Variants in NCKAP1 observed in about 807,000 individuals in gnomAD.
The protein encoded by NCKAP1 is NCK associated protein 1.
In NCKAP1, 21 loss-of-function variants were observed where a neutral mutation model predicts 151.2. The ratio of observed to expected loss-of-function variants is 0.14; its 90% CI spans 0.10 to 0.20. NCKAP1 has a LOEUF of 0.20. Ranked by LOEUF, NCKAP1 falls within the 10% of genes least tolerant of loss-of-function variation. NCKAP1 has a pLI of 1.00. For synonymous variants in NCKAP1, 484 were observed against 451.8 expected (o/e 1.07, Z -0.90); for missense variants, 933 against 1,352.1 (o/e 0.69, Z 4.86).
chr2:182,944,568 C>A (rs550206523), intron 23 of NCKAP1, among the ~76,000 whole-genome samples: 2 of 152,206 alleles, frequency 1.3e-5, no homozygotes, highest in African/African-American at 4.8e-5. Flanking sequence ...ACATGTTTCA[C>A]CATAAGTACA....
chr2:183,007,164 T>C (rs1698493381), intron 2 of NCKAP1, among the ~76,000 whole-genome samples: 1 of 152,218 alleles, frequency 6.6e-6, no homozygotes, highest in South Asian at 2.1e-4. Flanking sequence ...TGAGCCACTG[T>C]ACCCGGCCTC....
chr2:182,915,931 C>T lies in NCKAP1; in HGVS notation c.*9771G>A, dbSNP rs1696459846. Reference sequence around the variant, plus strand: ...GTGGAATGCCTTTTTGATCTATTGCCAATGCTTTCACCTTTTGTCTATTTA... The same window carrying T: ...GTGGAATGCCTTTTTGATCTATTGCTAATGCTTTCACCTTTTGTCTATTTA... On this transcript the variant is annotated 3_prime_UTR_variant, in exon 31 of 31. Transcript: ENST00000361354. The T allele has an allele frequency of 6.6e-6, 1 of 152,012 alleles. No individual in the cohort carries two copies. The highest frequency in any genetic ancestry group is 1.5e-5 in the Non-Finnish European group (1 of 67,992). The allele number at this position is 152,012 out of a possible 1,614,324, so 9.4% of individuals were successfully genotyped here.
At chr2:183,008,179 C>T (rs561560248) in intron 2 of NCKAP1, among the ~76,000 whole-genome samples, 3 of 152,248 alleles carry the variant, frequency 2.0e-5, no homozygotes, top group South Asian at 2.1e-4. Context: ...CCGCCCGCCT[C>T]GGCCTCCCAA....
At chr2:182,959,799 T>G (rs922266160) in intron 18 of NCKAP1, among the ~76,000 whole-genome samples, 2 of 152,164 alleles carry the variant, frequency 1.3e-5, no homozygotes, top group Non-Finnish European at 2.9e-5. Flanking sequence ...AGTCAAATTG[T>G]CACTGTTTGC....
intron 9 of NCKAP1, among the ~76,000 whole-genome samples, chr2:182,988,394 TAA>T (rs932233041): frequency 3.9e-5 from 6 of 152,224 alleles, no homozygotes; most frequent in African/African-American, 1.4e-4. Flanking sequence ...TAGATATTTT[TAA>T]AAGATTTCAT....
At chr2:182,930,838 T>C (rs748791699) in intron 26 of NCKAP1, 50 bp from the exon 27 acceptor site, 1 of 1,501,578 alleles carries the variant, frequency 6.7e-7, no homozygotes, top group Admixed American at 1.7e-5. Context: ...AACAAATTTC[T>C]GAGAAAGCTC....
chr2:183,008,100 A>G (rs1005140948), intron 2 of NCKAP1, among the ~76,000 whole-genome samples: 1 of 151,916 alleles, frequency 6.6e-6, no homozygotes, highest in Non-Finnish European at 1.5e-5. Flanking sequence ...TTAATTTTAT[A>G]TTTTTAGTAG....
At chr2:182,996,677 C>G (rs573875890) in intron 6 of NCKAP1, among the ~76,000 whole-genome samples, 1 of 152,124 alleles carries the variant, frequency 6.6e-6, no homozygotes, top group African/African-American at 2.4e-5. Flanking sequence ...AGGATGGTCT[C>G]GATCTCCTGA....
intron 24 of NCKAP1, among the ~76,000 whole-genome samples, chr2:182,941,320 T>C (rs1481604680): frequency 6.6e-6 from 1 of 152,226 alleles, no homozygotes; most frequent in African/African-American, 2.4e-5. Flanking sequence ...GATTTCACAA[T>C]ATACCTCCCA....
chr2:182,940,303 G>T (rs1425739232), intron 24 of NCKAP1, among the ~76,000 whole-genome samples: 1 of 136,082 alleles, frequency 7.3e-6, no homozygotes, highest in Non-Finnish European at 1.7e-5. Flanking sequence ...AATAACAAAA[G>T]AAAGATCAGG....
At chr2:182,995,994 C>G (rs760055279) in intron 6 of NCKAP1, among the ~76,000 whole-genome samples, 156 bp from the exon 7 acceptor site, 15 of 152,186 alleles carry the variant, frequency 9.9e-5, no homozygotes, top group Non-Finnish European at 2.2e-4. Flanking sequence ...TGGGTTGTGG[C>G]TCCTCTCCTC....
chr2:182,963,105 G>A (rs1008244489), intron 17 of NCKAP1, among the ~76,000 whole-genome samples: 5 of 151,774 alleles, frequency 3.3e-5, no homozygotes, highest in African/African-American at 1.2e-4. Flanking sequence ...AAAAATACTT[G>A]AGCATAGAAA....
At position 182,910,948 on chromosome 2, in the gene NCKAP1, G is replaced by GCACCCCCCCC. The variant is rs5836857; in HGVS notation, c.*14753_*14754insGGGGGGGGTG. 15 of 117,878 alleles carry GCACCCCCCCC rather than the reference G, an allele frequency of 1.3e-4. 1 individual carries two copies. Among genetic ancestry groups the GCACCCCCCCC allele is most frequent in the East Asian group, 6.8e-4 (2 of 2,940 alleles). 7.3% of individuals were successfully genotyped at this position (117,878 alleles called of 1,614,324 possible). On this transcript the variant is annotated 3_prime_UTR_variant, in exon 31 of 31. Coordinates refer to ENST00000361354, the MANE Select transcript of NCKAP1 (RefSeq NM_013436.5). ...CTTGGAAATAAAAATAAAATCCTAAGCTCCCCCCCCACATTTGACTAAACA... is the reference window on the plus strand; with the variant it reads ...CTTGGAAATAAAAATAAAATCCTAAGCACCCCCCCCCTCCCCCCCCACATTTGACTAAACA...
At chr2:182,933,409 G>A (rs1295072844) in intron 26 of NCKAP1, among the ~76,000 whole-genome samples, 9 of 32,994 alleles carry the variant, frequency 2.7e-4, no homozygotes, top group Non-Finnish European at 5.4e-4. Flanking sequence ...TTTTTTTTTT[G>A]GAGACGGGAG....
chr2:182,930,878 A>C, intron 26 of NCKAP1, 90 bp from the exon 27 acceptor site: 1 of 1,137,908 alleles, frequency 8.8e-7, no homozygotes, highest in South Asian at 1.4e-5. Context: ...CTAGAAGAAC[A>C]CCAGAGAATT....
intron 2 of NCKAP1, among the ~76,000 whole-genome samples, chr2:183,009,055 G>A (rs1190497869): frequency 6.6e-6 from 1 of 152,006 alleles, no homozygotes; most frequent in Non-Finnish European, 1.5e-5. Flanking sequence ...TTTTTCTGAG[G>A]AAACTGTAGT....
chr2:182,999,319 A>C (rs1197728011), intron 6 of NCKAP1, among the ~76,000 whole-genome samples: 1 of 152,130 alleles, frequency 6.6e-6, no homozygotes, highest in Non-Finnish European at 1.5e-5. Flanking sequence ...CACCCCACTA[A>C]AATGTGGGCA....
chr2:182,926,591 G>C (rs760710800), intron 30 of NCKAP1, among the ~76,000 whole-genome samples: 2 of 152,026 alleles, frequency 1.3e-5, no homozygotes, highest in Non-Finnish European at 2.9e-5. Flanking sequence ...GTTCATAAAA[G>C]AATACCCACA....
intron 1 of NCKAP1, among the ~76,000 whole-genome samples, chr2:183,026,784 G>C (rs1023364457): frequency 6.6e-6 from 1 of 152,142 alleles, no homozygotes; most frequent in Non-Finnish European, 1.5e-5. Flanking sequence ...ATAAGGATTA[G>C]AAGAGAGATA....
Sources: allele counts gnomAD v4.1 joint callset (sites outside exome capture counted in the v4.1 genomes callset), GRCh38; gene constraint gnomAD v4.1.1; transcripts MANE v1.5; gene names NCBI Gene and HGNC (gene_info 2026-07-23, HGNC 2026-07-21).